CMC1: variants seen among roughly 807,000 people sequenced by gnomAD.
CMC1 encodes COX assembly mitochondrial protein homolog.
In CMC1, 14 loss-of-function variants were observed where a neutral mutation model predicts 14.1. The observed-to-expected ratio is 0.99, with a 90% CI of 0.66 to 1.55. The LOEUF (loss-of-function observed/expected upper bound fraction) is 1.55. Ranked by LOEUF, CMC1 falls within the 40% of genes most tolerant of loss-of-function variation. The pLI is 0.00. For missense variants in CMC1, 127 were observed against 123.8 expected (o/e 1.03, Z -0.12); for synonymous variants, 50 against 38.4 (o/e 1.30, Z -1.12).
At chr3:28,245,339 G>A (rs1306127585) in intron 1 of CMC1, among the ~76,000 whole-genome samples, 4 of 152,014 alleles carry the variant, frequency 2.6e-5, no homozygotes, top group South Asian at 2.1e-4. Flanking sequence ...GCCATGTTCC[G>A]GACAAATTTT....
chr3:28,314,832 G>T (rs1218108159), intron 2 of CMC1, among the ~76,000 whole-genome samples: 1 of 151,896 alleles, frequency 6.6e-6, no homozygotes, highest in Non-Finnish European at 1.5e-5. Flanking sequence ...AAATATTTTT[G>T]TTACATAATT....
Position 28,324,143 on chromosome 3 carries a change from T to A in CMC1, c.*4514T>A. 1 of 1,610,630 alleles carries A rather than the reference T, an allele frequency of 6.2e-7. No individual in the cohort carries two copies. The highest frequency in any genetic ancestry group is 8.5e-7 in the Non-Finnish European group (1 of 1,177,592). ...TTAGTTTTAGTTTCCCCAAATGCTG[T>A]CTCACTTGATTTAGGAGGACTTGGA... On this transcript the variant is annotated 3_prime_UTR_variant, in exon 4 of 4. Coordinates refer to ENST00000466830, the MANE Select transcript of CMC1 (RefSeq NM_182523.2).
intron 1 of CMC1, among the ~76,000 whole-genome samples, chr3:28,243,081 G>A (rs1698615986): frequency 6.6e-6 from 1 of 151,860 alleles, no homozygotes; most frequent in South Asian, 2.1e-4. Context: ...TTACTGAAAC[G>A]GAGTCTCACT....
At chr3:28,249,381 A>C (rs748012760) in intron 1 of CMC1, among the ~76,000 whole-genome samples, 22 of 152,232 alleles carry the variant, frequency 1.4e-4, no homozygotes, top group Admixed American at 3.3e-4. Flanking sequence ...TAACTATCAA[A>C]TACTAAAACT....
In CMC1 at chr3:28,321,660, A is replaced by C. The variant is rs1703192324; in HGVS notation, c.*2031A>C. ...CACCTTCTCCAAGTAGCCTTTCTGA[A>C]TTAAGATCAGTACTTTGTTGTCACA... On this transcript the variant is annotated 3_prime_UTR_variant, in exon 4 of 4. Transcript: ENST00000466830. 6.6e-6 allele frequency: 1 copy of C among 151,294 alleles called. No individual in the cohort carries two copies. Among genetic ancestry groups the C allele is most frequent in the South Asian group, 2.1e-4 (1 of 4,834 alleles). 9.4% of individuals were successfully genotyped at this position (151,294 alleles called of 1,614,324 possible).
At chr3:28,284,777 C>G (rs1303202998) in intron 2 of CMC1, among the ~76,000 whole-genome samples, 3 of 151,574 alleles carry the variant, frequency 2.0e-5, no homozygotes, top group African/African-American at 7.3e-5. Context: ...ACCTTTACTT[C>G]CCTTACTTCC....
intron 2 of CMC1, among the ~76,000 whole-genome samples, chr3:28,281,036 T>A (rs1402338968): frequency 6.6e-6 from 1 of 152,206 alleles, no homozygotes; most frequent in Admixed American, 6.5e-5. Flanking sequence ...CCTAAAATGT[T>A]TACTCTTTGG....
chr3:28,294,003 TAAAAG>T (rs776445442), intron 2 of CMC1, among the ~76,000 whole-genome samples: 2 of 152,200 alleles, frequency 1.3e-5, no homozygotes, highest in South Asian at 2.1e-4. Context: ...GGATTTCAAA[TAAAAG>T]AAGAGAATAA....
intron 2 of CMC1, among the ~76,000 whole-genome samples, chr3:28,299,386 T>C (rs892581446): frequency 3.9e-5 from 6 of 152,140 alleles, no homozygotes; most frequent in African/African-American, 1.4e-4. Flanking sequence ...GAGTTGGAGG[T>C]ATTAGATATT....
At chr3:28,280,802 T>G (rs909569967) in intron 2 of CMC1, among the ~76,000 whole-genome samples, 8 of 152,214 alleles carry the variant, frequency 5.3e-5, no homozygotes, top group African/African-American at 1.9e-4. Context: ...GTAGTCACAG[T>G]AAGTGTGTTG....
intron 2 of CMC1, among the ~76,000 whole-genome samples, chr3:28,265,999 A>G (rs1411240815): frequency 6.6e-6 from 1 of 152,290 alleles, no homozygotes. Context: ...ACACTGATAA[A>G]GCCCACAGAG....
In CMC1 at chr3:28,241,737, C is replaced by G; in HGVS notation, c.-57C>G. Reference sequence around the variant, plus strand: ...CGAGCCCAAGCCCCTCCCCTCCACTCCCCTTCCTGCGTGCCCCGGAGCCGC... The same window carrying G: ...CGAGCCCAAGCCCCTCCCCTCCACTGCCCTTCCTGCGTGCCCCGGAGCCGC... On this transcript the variant is annotated 5_prime_UTR_variant, in exon 1 of 4. Coordinates refer to ENST00000466830, the MANE Select transcript of CMC1 (RefSeq NM_182523.2). 1 of 1,241,714 alleles carries G rather than the reference C, an allele frequency of 8.1e-7. No homozygotes were observed. The highest frequency in any genetic ancestry group is 4.1e-5 in the South Asian group (1 of 24,294). The allele number at this position is 1,241,714 out of a possible 1,614,324, so 76.9% of individuals were successfully genotyped here. A position where few individuals can be genotyped will look rare whatever the true frequency, so the allele number is the denominator to read the frequency against.
chr3:28,250,058 C>A (rs1183067593), intron 1 of CMC1, among the ~76,000 whole-genome samples: 2 of 152,154 alleles, frequency 1.3e-5, no homozygotes, highest in African/African-American at 4.8e-5. Flanking sequence ...ACCTTTATGA[C>A]CGCATTTGAC....
At chr3:28,250,663 A>G (rs1191186263) in intron 1 of CMC1, among the ~76,000 whole-genome samples, 2 of 152,232 alleles carry the variant, frequency 1.3e-5, no homozygotes, top group African/African-American at 2.4e-5. Context: ...GAAGGTTTAC[A>G]TTGTAGGAAA....
chr3:28,296,928 C>T (rs953428613), intron 2 of CMC1, among the ~76,000 whole-genome samples: 1 of 152,036 alleles, frequency 6.6e-6, no homozygotes, highest in Non-Finnish European at 1.5e-5. Flanking sequence ...TTTGTGCTGC[C>T]TTTCTAGTAG....
At chr3:28,262,415 C>A (rs372717610) in intron 1 of CMC1, among the ~76,000 whole-genome samples, 2 of 151,970 alleles carry the variant, frequency 1.3e-5, no homozygotes, top group Non-Finnish European at 2.9e-5. Flanking sequence ...CCTATATATA[C>A]TTTTTTCACC....
At position 28,324,124 on chromosome 3, in the gene CMC1, T is replaced by C; in HGVS notation, c.*4495T>C. ...GTTGGGTAAAGGCAAAGTTTTAGTT[T>C]TAGTTTCCCCAAATGCTGTCTCACT... On this transcript the variant is annotated 3_prime_UTR_variant, in exon 4 of 4. Transcript: ENST00000466830. The C allele has an allele frequency of 6.2e-7, 1 of 1,610,510 alleles. No individual in the cohort carries two copies. Among genetic ancestry groups the C allele is most frequent in the Non-Finnish European group, 8.5e-7 (1 of 1,177,546 alleles).
Position 28,319,470 on chromosome 3 carries a change from G to T in CMC1, c.201-39G>T, listed in dbSNP as rs112444825. On this transcript the variant is annotated intron_variant, in intron 3 of 3. Transcript: ENST00000466830. Reference sequence around the variant, plus strand: ...GTAAGCTTACATTTAACACATGCAGGATTATTTACTTGAAAATATTTTCAT... The same window carrying T: ...GTAAGCTTACATTTAACACATGCAGTATTATTTACTTGAAAATATTTTCAT... The T allele has an allele frequency of 4.5e-6, 7 of 1,540,108 alleles. No homozygotes were observed. In the African/African-American group the frequency reaches 9.7e-5, roughly 21 times the overall value.
chr3:28,310,132 T>C (rs1302407157), intron 2 of CMC1, among the ~76,000 whole-genome samples: 1 of 152,204 alleles, frequency 6.6e-6, no homozygotes, highest in Non-Finnish European at 1.5e-5. Context: ...GTGTACATCA[T>C]AGCTTAAGAG....
Sources: allele counts gnomAD v4.1 joint callset (sites outside exome capture counted in the v4.1 genomes callset), GRCh38; gene constraint gnomAD v4.1.1; transcripts MANE v1.5; gene names NCBI Gene and HGNC (gene_info 2026-07-23, HGNC 2026-07-21).